Variants in BMERB1 observed in about 807,000 individuals in gnomAD.
BMERB1 encodes the protein bMERB domain containing 1.
BMERB1 carries 12 observed loss-of-function variants against 23.6 expected under a neutral mutation model. The ratio of observed to expected loss-of-function variants is 0.51; its 90% CI spans 0.33 to 0.82. BMERB1 has a LOEUF of 0.82. BMERB1 is among the 40% of genes least tolerant of loss of function. The pLI is 0.03. For synonymous variants in BMERB1, 122 were observed against 96.6 expected, an observed-to-expected ratio of 1.26 and a Z score of -1.54; for missense variants, 247 against 255.4, an observed-to-expected ratio of 0.97 and a Z score of 0.22.
chr16:15,527,786 C>G (rs2051924361), intron 2 of BMERB1, among the ~76,000 whole-genome samples: 1 of 152,266 alleles, frequency 6.6e-6, no homozygotes, highest in Non-Finnish European at 1.5e-5. Context: ...ATGATCCCCC[C>G]ATCTAGTCCC....
intron 3 of BMERB1, among the ~76,000 whole-genome samples, chr16:15,574,779 TAAAAATCG>T (rs1297950475): frequency 4.6e-5 from 7 of 152,128 alleles, no homozygotes; most frequent in Non-Finnish European, 1.0e-4. Context: ...AAGCTTTGTT[TAAAAATCG>T]GGGGTCAAGG....
At chr16:15,464,049 A>T (rs1349854724) in intron 1 of BMERB1, among the ~76,000 whole-genome samples, 3 of 152,200 alleles carry the variant, frequency 2.0e-5, no homozygotes, top group African/African-American at 7.2e-5. Context: ...ACAGTGGCTC[A>T]TGCCTGTAAT....
At chr16:15,573,316 T>A (rs1421521484) in intron 3 of BMERB1, among the ~76,000 whole-genome samples, 1 of 152,100 alleles carries the variant, frequency 6.6e-6, no homozygotes, top group Non-Finnish European at 1.5e-5. Flanking sequence ...GGAATTACAA[T>A]AGAGAAAGAG....
chr16:15,439,503 T>C (rs955121986), intron 1 of BMERB1, among the ~76,000 whole-genome samples: 4 of 152,346 alleles, frequency 2.6e-5, no homozygotes, highest in African/African-American at 7.2e-5. Context: ...TTACAGCTTT[T>C]CATTGCTTCC....
intron 2 of BMERB1, among the ~76,000 whole-genome samples, chr16:15,554,432 C>G (rs1342012686): frequency 6.6e-6 from 1 of 152,128 alleles, no homozygotes; most frequent in African/African-American, 2.4e-5. Flanking sequence ...TCAATAAGTA[C>G]TAGCAATTAT....
At chr16:15,502,797 G>T (rs1009536804) in intron 1 of BMERB1, among the ~76,000 whole-genome samples, 1 of 152,108 alleles carries the variant, frequency 6.6e-6, no homozygotes, top group African/African-American at 2.4e-5. Flanking sequence ...TCTTCTCAGG[G>T]CAGGCATGGG....
At chr16:15,471,047 A>G (rs1455076514) in intron 1 of BMERB1, among the ~76,000 whole-genome samples, 1 of 150,994 alleles carries the variant, frequency 6.6e-6, no homozygotes, top group East Asian at 2.0e-4. Flanking sequence ...ATGTTGCCCA[A>G]GCTAGTCTTG....
chr16:15,508,344 A>G (rs1471519036), intron 1 of BMERB1, among the ~76,000 whole-genome samples: 1 of 152,104 alleles, frequency 6.6e-6, no homozygotes. Flanking sequence ...CAGGTAGTGA[A>G]TATTTGAGGC....
Position 15,569,061 on chromosome 16 carries a change from T to C in BMERB1, c.304+1005T>C, listed in dbSNP as rs187210945. Reference sequence around the variant, plus strand: ...TGAAACCCCATCTCTAGTAAAAATATGAAAATTAGCCAGGGGTGGTGGCGG... The same window carrying C: ...TGAAACCCCATCTCTAGTAAAAATACGAAAATTAGCCAGGGGTGGTGGCGG... On this transcript the variant is annotated intron_variant, in intron 3 of 5. Transcript: ENST00000300006. Among the ~76,000 whole-genome samples, 234 of 151,770 alleles carry C rather than the reference T, an allele frequency of 1.5e-3. 1 individual carries two copies. The highest frequency in any genetic ancestry group is 5.4e-3 in the African/African-American group (224 of 41,420).
intron 1 of BMERB1, among the ~76,000 whole-genome samples, chr16:15,495,700 C>A (rs2051466346): frequency 6.6e-6 from 1 of 152,164 alleles, no homozygotes; most frequent in Admixed American, 6.6e-5. Context: ...CTTCTCATTT[C>A]TCTTCTCTAA....
intron 1 of BMERB1, among the ~76,000 whole-genome samples, chr16:15,438,044 A>T (rs1186399969): frequency 1.3e-5 from 2 of 152,096 alleles, no homozygotes; most frequent in Non-Finnish European, 2.9e-5. Context: ...CAAAGGCAAG[A>T]GGAACAGCTC....
At chr16:15,503,076 A>G (rs1184278975) in intron 1 of BMERB1, among the ~76,000 whole-genome samples, 1 of 152,184 alleles carries the variant, frequency 6.6e-6, no homozygotes, top group Non-Finnish European at 1.5e-5. Flanking sequence ...TCAACCAATT[A>G]TGGATGGAAA....
intron 5 of BMERB1, among the ~76,000 whole-genome samples, chr16:15,583,675 T>C (rs1168917003): frequency 2.0e-5 from 3 of 151,882 alleles, no homozygotes; most frequent in Admixed American, 1.3e-4. Flanking sequence ...GAGATCAGAT[T>C]TCAGCATGGG....
At chr16:15,523,723 C>A (rs558407865) in intron 2 of BMERB1, among the ~76,000 whole-genome samples, 25 of 152,304 alleles carry the variant, frequency 1.6e-4, no homozygotes, top group African/African-American at 5.8e-4. Flanking sequence ...GGGATGAAAA[C>A]AGACACAGGT....
At chr16:15,488,954 A>G (rs913783690) in intron 1 of BMERB1, among the ~76,000 whole-genome samples, 1 of 149,442 alleles carries the variant, frequency 6.7e-6, no homozygotes, top group African/African-American at 2.5e-5. Flanking sequence ...TCTACACTCT[A>G]GGGGTGGTTG....
At chr16:15,521,173 A>G (rs1247108348) in intron 2 of BMERB1, among the ~76,000 whole-genome samples, 1 of 152,164 alleles carries the variant, frequency 6.6e-6, no homozygotes, top group African/African-American at 2.4e-5. Context: ...CCTTGGCAAT[A>G]CTCATCTTGT....
chr16:15,582,539 A>AC (rs932587392), intron 4 of BMERB1, among the ~76,000 whole-genome samples: 6 of 151,124 alleles, frequency 4.0e-5, no homozygotes, highest in Non-Finnish European at 5.9e-5. Flanking sequence ...ACATAGTGAG[A>AC]CCCCCCTATC....
In BMERB1 at chr16:15,587,052, C is replaced by T; in HGVS notation, c.*223C>T. 1.9e-6 allele frequency: 1 copy of T among 525,142 alleles called. No individual in the cohort carries two copies. Among genetic ancestry groups the T allele is most frequent in the Non-Finnish European group, 3.4e-6 (1 of 297,718 alleles). 32.5% of individuals were successfully genotyped at this position (525,142 alleles called of 1,614,324 possible). A position where few individuals can be genotyped will look rare whatever the true frequency, so the allele number is the denominator to read the frequency against. On this transcript the variant is annotated 3_prime_UTR_variant, in exon 6 of 6. Coordinates refer to ENST00000300006, the MANE Select transcript of BMERB1 (RefSeq NM_033201.3). ...GTCGCATGGTCCTCCCCAGAGCATG[C>T]CGAACCCAGGAGTCTGTCTCACTGT... is the stretch of plus-strand genomic sequence containing the variant.
At chr16:15,555,274 A>G (rs888841821) in intron 2 of BMERB1, among the ~76,000 whole-genome samples, 3 of 151,900 alleles carry the variant, frequency 2.0e-5, no homozygotes, top group African/African-American at 7.3e-5. Context: ...GAGTCTCGCT[A>G]TGTTGCCTAG....
Sources: allele counts gnomAD v4.1 joint callset (sites outside exome capture counted in the v4.1 genomes callset), GRCh38; gene constraint gnomAD v4.1.1; transcripts MANE v1.5; gene names NCBI Gene and HGNC (gene_info 2026-07-23, HGNC 2026-07-21).